The following ANXA3 variants were observed in gnomAD, a reference collection of about 807,000 sequenced individuals.
ANXA3 encodes the protein annexin A3, also known as 35-alpha calcimedin.
Under a neutral mutation model 48.8 loss-of-function variants are expected in ANXA3, and 46 were observed. That is an observed-to-expected ratio of 0.94 (90% CI 0.74 to 1.21). The LOEUF is 1.21. Ranked by LOEUF, ANXA3 falls within the 50% of genes most tolerant of loss-of-function variation. ANXA3 has a pLI of 0.00. For synonymous variants in ANXA3, 128 were observed against 134.7 expected, an observed-to-expected ratio of 0.95 and a Z score of 0.35; for missense variants, 383 against 378.6, an observed-to-expected ratio of 1.01 and a Z score of -0.10.
intron 2 of ANXA3, among the ~76,000 whole-genome samples, chr4:78,565,625 C>G (rs1448625529): frequency 6.6e-6 from 1 of 152,164 alleles, no homozygotes; most frequent in Non-Finnish European, 1.5e-5. Flanking sequence ...AAACTGGAGC[C>G]AGATTGCCTA....
In ANXA3 at chr4:78,601,574, T is replaced by C. The variant is rs758883022; in HGVS notation, c.789+6T>C. Reference sequence around the variant, plus strand: ...GACTGCATCGAGCCTTGAAGGTTGGTCTGGAAAGTTCATGTGCATTCTTAG... The same window carrying C: ...GACTGCATCGAGCCTTGAAGGTTGGCCTGGAAAGTTCATGTGCATTCTTAG... On this transcript the variant is annotated splice_donor_region_variant and intron_variant, in intron 11 of 12. Coordinates refer to ENST00000264908, the MANE Select transcript of ANXA3 (RefSeq NM_005139.3). The C allele has an allele frequency of 1.2e-6, 2 of 1,613,500 alleles. No homozygotes were observed. The highest frequency in any genetic ancestry group is 2.2e-5 in the East Asian group (1 of 44,858).
intron 6 of ANXA3, among the ~76,000 whole-genome samples, chr4:78,590,353 A>T (rs894016212): frequency 6.6e-6 from 1 of 152,216 alleles, no homozygotes. Flanking sequence ...CAGATTTCAT[A>T]AAAAAGAGAC....
In ANXA3 at chr4:78,595,540, C is replaced by CTTTTTTTT. The variant is rs112477936; in HGVS notation, c.540+109_540+116dup. 2.1e-5 allele frequency: 21 copies of CTTTTTTTT among 992,096 alleles called. No homozygotes were observed. In the African/African-American group the frequency reaches 3.2e-4, roughly 15 times the overall value. The allele number at this position is 992,096 out of a possible 1,614,324, so 61.5% of individuals were successfully genotyped here. ...AAAAATAGCAGCAACAGGGACTTTT[C>CTTTTTTTT]TTTTTTTTTTTTTCCTGTTTGAAAG... On this transcript the variant is annotated intron_variant, in intron 8 of 12. Transcript: ENST00000264908.
At chr4:78,557,864 C>A (rs990215507) in intron 2 of ANXA3, among the ~76,000 whole-genome samples, 1 of 152,154 alleles carries the variant, frequency 6.6e-6, no homozygotes, top group African/African-American at 2.4e-5. Flanking sequence ...AATCCCATTT[C>A]TGGGTATATA....
At chr4:78,561,108 A>G (rs1722619036) in intron 2 of ANXA3, among the ~76,000 whole-genome samples, 1 of 152,192 alleles carries the variant, frequency 6.6e-6, no homozygotes, top group South Asian at 2.1e-4. Flanking sequence ...AAAACATGGG[A>G]TCCATATAGA....
At position 78,595,449 on chromosome 4, in the gene ANXA3, A is replaced by T; in HGVS notation, c.540+12A>T. The T allele has an allele frequency of 2.5e-6, 4 of 1,612,938 alleles. No homozygotes were observed. In the Middle Eastern group the frequency reaches 5.0e-4, roughly 200 times the overall value. On this transcript the variant is annotated intron_variant, in intron 8 of 12. Coordinates refer to ENST00000264908, the MANE Select transcript of ANXA3 (RefSeq NM_005139.3). ...AACAAGATGCCCAGGTCAGTAACAA[A>T]GCGGGAAAACATTTCCTTTACCTAT...
intron 5 of ANXA3, among the ~76,000 whole-genome samples, chr4:78,583,660 A>G (rs1319922984): frequency 6.6e-6 from 1 of 152,024 alleles, no homozygotes; most frequent in Non-Finnish European, 1.5e-5. Context: ...AGAATTGGTT[A>G]CATGATTATG....
chr4:78,562,970 T>C (rs1722654902), intron 2 of ANXA3, among the ~76,000 whole-genome samples: 1 of 152,106 alleles, frequency 6.6e-6, no homozygotes, highest in African/African-American at 2.4e-5. Flanking sequence ...GGATACAAGA[T>C]TACAAGGGGA....
intron 4 of ANXA3, 23 bp downstream of exon 4, chr4:78,579,144 G>A (rs766094323): frequency 1.5e-5 from 23 of 1,526,214 alleles, no homozygotes; most frequent in Non-Finnish European, 1.8e-5. Context: ...TAACATGACA[G>A]GCAGTAAAGA....
chr4:78,580,125 A>G (rs948702977), intron 4 of ANXA3, among the ~76,000 whole-genome samples: 1 of 152,208 alleles, frequency 6.6e-6, no homozygotes, highest in African/African-American at 2.4e-5. Flanking sequence ...GTAAATAAAA[A>G]TAATTCAGAT....
intron 6 of ANXA3, among the ~76,000 whole-genome samples, chr4:78,589,759 T>C (rs897555470): frequency 6.6e-6 from 1 of 152,194 alleles, no homozygotes; most frequent in African/African-American, 2.4e-5. Flanking sequence ...ATACAATGGG[T>C]TCAGGAAGTC....
At chr4:78,599,392 C>T (rs922665578) in intron 10 of ANXA3, among the ~76,000 whole-genome samples, 3 of 152,200 alleles carry the variant, frequency 2.0e-5, no homozygotes, top group African/African-American at 7.2e-5. Context: ...CAATGGTCAA[C>T]ACATAGTTTT....
chr4:78,583,149 G>A (rs1723106509), intron 5 of ANXA3, among the ~76,000 whole-genome samples: 1 of 149,668 alleles, frequency 6.7e-6, no homozygotes, highest in Non-Finnish European at 1.5e-5. Flanking sequence ...AATCAGCCTG[G>A]GCAACTTGGA....
intron 10 of ANXA3, among the ~76,000 whole-genome samples, chr4:78,598,575 G>A (rs141632065): frequency 1.3e-5 from 2 of 150,898 alleles, no homozygotes; most frequent in East Asian, 1.9e-4. Context: ...AGTCTCGCTC[G>A]GTTGCCCAAG....
At chr4:78,609,379 G>A (rs934601738) in intron 12 of ANXA3, among the ~76,000 whole-genome samples, 1 of 152,110 alleles carries the variant, frequency 6.6e-6, no homozygotes, top group Admixed American at 6.6e-5. Context: ...TTACAAACTT[G>A]GTATCTTTGC....
chr4:78,595,269 C>A, intron 7 of ANXA3, 112 bp from the exon 8 acceptor site: 1 of 1,146,952 alleles, frequency 8.7e-7, no homozygotes, highest in Non-Finnish European at 1.3e-6. Context: ...TTTTTCTGTG[C>A]AACCTGTCCT....
intron 3 of ANXA3, among the ~76,000 whole-genome samples, chr4:78,574,461 G>A (rs931916821): frequency 1.1e-4 from 17 of 151,966 alleles, no homozygotes; most frequent in South Asian, 2.1e-4. Context: ...ACACAATCCC[G>A]TCAGTTCTTC....
intron 7 of ANXA3, among the ~76,000 whole-genome samples, chr4:78,592,898 G>T (rs1052283590): frequency 6.6e-6 from 1 of 152,146 alleles, no homozygotes; most frequent in Admixed American, 6.6e-5. Flanking sequence ...GCAAACAGCA[G>T]CAGGGTATCA....
chr4:78,605,395 A>G (rs1723625601), intron 12 of ANXA3, among the ~76,000 whole-genome samples: 1 of 152,152 alleles, frequency 6.6e-6, no homozygotes, highest in African/African-American at 2.4e-5. Context: ...TTGAAATAAC[A>G]TTTGTATTTC....
Sources: gnomAD v4.1 joint callset for allele counts (sites outside exome capture counted in the v4.1 genomes callset) on GRCh38, gnomAD v4.1.1 for gene constraint, MANE v1.5 for transcripts, NCBI Gene and HGNC (gene_info 2026-07-23, HGNC 2026-07-21) for gene names.